NALCN: variants seen among roughly 807,000 people sequenced by gnomAD.
The protein encoded by NALCN is sodium leak channel NALCN.
Under a neutral mutation model 225.3 loss-of-function variants are expected in NALCN, and 111 were observed. The ratio of observed to expected loss-of-function variants is 0.49; its 90% confidence interval spans 0.42 to 0.58. The LOEUF is 0.58. NALCN is among the 20% of genes least tolerant of loss of function. NALCN has a pLI of 0.00. For missense variants in NALCN, 1,378 were observed against 2,202.4 expected, an observed-to-expected ratio of 0.63 and a Z score of 7.49; for synonymous variants, 764 against 769.0, an observed-to-expected ratio of 0.99 and a Z score of 0.11.
intron 10 of NALCN, among the ~76,000 whole-genome samples, chr13:101,276,364 A>AATATAATT (rs2042973851): frequency 6.6e-6 from 1 of 152,198 alleles, no homozygotes; most frequent in Admixed American, 6.5e-5. Context: ...TAGACAAATT[A>AATATAATT]ATATAATTAA....
In NALCN at chr13:101,281,823, A is replaced by G. The variant is rs546916373; in HGVS notation, c.1134+2110T>C. On this transcript the variant is annotated intron_variant, in intron 10 of 43. Coordinates refer to ENST00000251127, the MANE Select transcript of NALCN (RefSeq NM_052867.4). ...AAAACAAAAACAAACACAAAATGCA[A>G]ATAATCTGATTATAAATGAGCAAAT... Among the ~76,000 whole-genome samples, 15 of 152,320 alleles carry G rather than the reference A, an allele frequency of 9.8e-5. No homozygotes were observed. In the East Asian group the frequency reaches 2.7e-3, roughly 27 times the overall value.
chr13:101,140,325 T>C (rs938442208), intron 17 of NALCN, among the ~76,000 whole-genome samples: 11 of 152,154 alleles, frequency 7.2e-5, no homozygotes, highest in African/African-American at 2.7e-4. Context: ...CTCAAGACTC[T>C]TTTTATCTTT....
At chr13:101,411,207 C>CT (rs141415417) in intron 1 of NALCN, among the ~76,000 whole-genome samples, 3,391 of 128,402 alleles carry the variant, frequency 0.026, 109 homozygotes, top group East Asian at 0.13. Flanking sequence ...TATCCTCTTT[C>CT]TTTTTTTTCC....
intron 1 of NALCN, among the ~76,000 whole-genome samples, chr13:101,411,551 T>C (rs983356319): frequency 6.6e-6 from 1 of 152,106 alleles, no homozygotes; most frequent in African/African-American, 2.4e-5. Context: ...GGTTTCACCA[T>C]GTTGGCCACG....
intron 10 of NALCN, among the ~76,000 whole-genome samples, chr13:101,259,624 A>G (rs1190126432): frequency 1.3e-5 from 2 of 151,274 alleles, no homozygotes; most frequent in East Asian, 2.0e-4. Flanking sequence ...ATGAGCCACC[A>G]TGCCTGGCCA....
chr13:101,114,329 C>T (rs776044283), intron 18 of NALCN, among the ~76,000 whole-genome samples: 1 of 152,228 alleles, frequency 6.6e-6, no homozygotes, highest in South Asian at 2.1e-4. Flanking sequence ...GCTTTGGAAA[C>T]ATCAACGCTT....
intron 2 of NALCN, 95 bp from the exon 3 acceptor site, chr13:101,395,460 T>A (rs2047264486): frequency 8.6e-7 from 1 of 1,164,822 alleles, no homozygotes; most frequent in Non-Finnish European, 1.2e-6. Flanking sequence ...AATACTGAGG[T>A]TAAAATAGTT....
At chr13:101,357,039 AAAT>A (rs2046084245) in intron 6 of NALCN, among the ~76,000 whole-genome samples, 1 of 152,164 alleles carries the variant, frequency 6.6e-6, no homozygotes, top group African/African-American at 2.4e-5. Flanking sequence ...ACATATCTCA[AAAT>A]AATAAGTGCT....
At chr13:101,271,739 A>G (rs1181116698) in intron 10 of NALCN, among the ~76,000 whole-genome samples, 4 of 149,654 alleles carry the variant, frequency 2.7e-5, no homozygotes, top group Non-Finnish European at 5.9e-5. Context: ...TCACTGTGTC[A>G]CTGAGTATGC....
chr13:101,233,919 AC>A (rs1408701151), intron 12 of NALCN, among the ~76,000 whole-genome samples: 1 of 152,174 alleles, frequency 6.6e-6, no homozygotes, highest in African/African-American at 2.4e-5. Context: ...CAGCCCAGCC[AC>A]GCTGGCCTTT....
At chr13:101,338,085 AG>A (rs1476199537) in intron 7 of NALCN, among the ~76,000 whole-genome samples, 3 of 152,264 alleles carry the variant, frequency 2.0e-5, no homozygotes, top group Admixed American at 2.0e-4. Context: ...TAATTACAAA[AG>A]TAACGACTGT....
chr13:101,259,732 G>GTATATATATATATATATATATATATA (rs35199456), intron 10 of NALCN, among the ~76,000 whole-genome samples: 5 of 119,400 alleles, frequency 4.2e-5, no homozygotes, highest in East Asian at 2.6e-4. Context: ...CATAGTAAGT[G>GTATATATATATATATATATATATATA]TATATATATA....
intron 15 of NALCN, among the ~76,000 whole-genome samples, chr13:101,156,065 A>G (rs1311524576): frequency 6.6e-6 from 1 of 152,152 alleles, no homozygotes; most frequent in African/African-American, 2.4e-5. Context: ...TCTTTGGGTT[A>G]TAACCCAGTA....
At chr13:101,211,376 C>T (rs2040516293) in intron 13 of NALCN, among the ~76,000 whole-genome samples, 1 of 151,892 alleles carries the variant, frequency 6.6e-6, no homozygotes, top group African/African-American at 2.4e-5. Context: ...ATGCTTTATT[C>T]AAGGAAAGTC....
At chr13:101,121,092 A>G (rs751891778) in intron 18 of NALCN, among the ~76,000 whole-genome samples, 37 of 152,150 alleles carry the variant, frequency 2.4e-4, no homozygotes, top group African/African-American at 5.1e-4. Context: ...TTTAAGGTAG[A>G]TAAGAAAACT....
At chr13:101,172,714 C>T (rs2038786064) in intron 15 of NALCN, among the ~76,000 whole-genome samples, 1 of 151,356 alleles carries the variant, frequency 6.6e-6, no homozygotes, top group Non-Finnish European at 1.5e-5. Flanking sequence ...TGCCCGCCAC[C>T]ACGCGCAGCT....
chr13:101,156,911 T>C (rs1415480811), intron 15 of NALCN, among the ~76,000 whole-genome samples: 1 of 152,200 alleles, frequency 6.6e-6, no homozygotes, highest in Non-Finnish European at 1.5e-5. Context: ...CCAATTATCA[T>C]TTTTGTGTAT....
chr13:101,263,977 C>T (rs1307806194), intron 10 of NALCN, among the ~76,000 whole-genome samples: 1 of 152,058 alleles, frequency 6.6e-6, no homozygotes, highest in East Asian at 1.9e-4. Flanking sequence ...ATCCTTGTAT[C>T]TACAGGAAAG....
In NALCN at chr13:101,416,490, G is replaced by C. The variant is rs1388549274; in HGVS notation, c.-217C>G. On this transcript the variant is annotated 5_prime_UTR_variant, in exon 1 of 44. Transcript: ENST00000251127. ...CGGCCCGGCTGGGGCCGCGGCTCAC[G>C]CTCGCCGTGTCACTCACTGAGCGCC... 3.3e-5 allele frequency: 5 copies of C among 151,860 alleles called. No homozygotes were observed. The highest frequency in any genetic ancestry group is 4.8e-5 in the African/African-American group (2 of 41,412). 9.4% of individuals were successfully genotyped at this position (151,860 alleles called of 1,614,324 possible). A position where few individuals can be genotyped will look rare whatever the true frequency, so the allele number is the denominator to read the frequency against.
Sources: allele counts gnomAD v4.1 joint callset (sites outside exome capture counted in the v4.1 genomes callset), GRCh38; gene constraint gnomAD v4.1.1; transcripts MANE v1.5; gene names NCBI Gene and HGNC (gene_info 2026-07-23, HGNC 2026-07-21).